The following OSBPL8 variants were observed in gnomAD, a reference collection of about 807,000 sequenced individuals.
The protein encoded by OSBPL8 is oxysterol binding protein like 8, also known as oxysterol-binding protein-related protein 8.
In OSBPL8, 59 loss-of-function variants were observed where a neutral mutation model predicts 125.5. The ratio of observed to expected loss-of-function variants is 0.47; its 90% CI spans 0.38 to 0.58. OSBPL8 has a LOEUF of 0.58. Among genes scored for constraint, OSBPL8 ranks in the 20% least tolerant of loss-of-function variants. OSBPL8 has a pLI of 0.00. For synonymous variants in OSBPL8, 330 were observed against 338.9 expected, an observed-to-expected ratio of 0.97 and a Z score of 0.29; for missense variants, 758 against 1,047.8, an observed-to-expected ratio of 0.72 and a Z score of 3.82.
At chr12:76,358,437 G>A (rs1952073064) in intron 22 of OSBPL8, among the ~76,000 whole-genome samples, 2 of 151,874 alleles carry the variant, frequency 1.3e-5, no homozygotes, top group African/African-American at 2.4e-5. Context: ...CCACCTCGGC[G>A]TCCCAAAGTA....
At chr12:76,501,739 G>A (rs1879922336) in intron 1 of OSBPL8, among the ~76,000 whole-genome samples, 2 of 151,940 alleles carry the variant, frequency 1.3e-5, no homozygotes, top group Admixed American at 1.3e-4. Context: ...CTGACCAGCG[G>A]TAGAGATCAA....
chr12:76,418,892 G>A (rs1869094912), intron 4 of OSBPL8, among the ~76,000 whole-genome samples: 2 of 151,576 alleles, frequency 1.3e-5, no homozygotes, highest in South Asian at 4.2e-4. Flanking sequence ...ATTGACAGAT[G>A]GCAATCCTTT....
chr12:76,496,743 T>G (rs536952296), intron 1 of OSBPL8, among the ~76,000 whole-genome samples: 27 of 152,214 alleles, frequency 1.8e-4, no homozygotes, highest in Admixed American at 3.9e-4. Flanking sequence ...GGTTTCACCA[T>G]GTTGGCCAGG....
At chr12:76,356,874 A>G in intron 22 of OSBPL8, 146 bp from the exon 23 acceptor site, 1 of 546,698 alleles carries the variant, frequency 1.8e-6, no homozygotes, top group South Asian at 2.6e-5. Context: ...GCACTTTTGA[A>G]GTTTCAAACA....
At chr12:76,395,091 G>A (rs1285366294) in intron 8 of OSBPL8, among the ~76,000 whole-genome samples, 1 of 152,078 alleles carries the variant, frequency 6.6e-6, no homozygotes, top group Non-Finnish European at 1.5e-5. Context: ...GAAGGCTAAA[G>A]AAAGCATGTG....
intron 1 of OSBPL8, among the ~76,000 whole-genome samples, chr12:76,518,411 G>C (rs1055818234): frequency 3.9e-5 from 6 of 152,192 alleles, no homozygotes; most frequent in Admixed American, 3.9e-4. Flanking sequence ...TCACAGGTTG[G>C]ACTTGAGTGC....
chr12:76,368,342 C>G (rs779054680), intron 21 of OSBPL8, among the ~76,000 whole-genome samples: 2 of 152,160 alleles, frequency 1.3e-5, no homozygotes, highest in Non-Finnish European at 2.9e-5. Context: ...TTAAGACTCT[C>G]TTTGGCTTTT....
At chr12:76,424,872 T>G (rs1424270566) in intron 4 of OSBPL8, among the ~76,000 whole-genome samples, 1 of 152,108 alleles carries the variant, frequency 6.6e-6, no homozygotes, top group Non-Finnish European at 1.5e-5. Flanking sequence ...ATCCCAAAAG[T>G]ACATATCCAG....
chr12:76,420,408 C>A (rs921607985), intron 4 of OSBPL8, among the ~76,000 whole-genome samples: 1 of 152,078 alleles, frequency 6.6e-6, no homozygotes, highest in Admixed American at 6.5e-5. Flanking sequence ...CAGCTGAGAT[C>A]AAGAGATAGA....
At chr12:76,385,820 T>C (rs912214319) in intron 14 of OSBPL8, among the ~76,000 whole-genome samples, 1 of 151,696 alleles carries the variant, frequency 6.6e-6, no homozygotes, top group East Asian at 1.9e-4. Context: ...GGACTTTGAA[T>C]GCCAGACAAA....
chr12:76,462,701 T>C lies in OSBPL8; in HGVS notation c.43-2806A>G, dbSNP rs542887266. Among the ~76,000 whole-genome samples the C allele has an allele frequency of 2.0e-5, 3 of 151,952 alleles. No homozygotes were observed. In the South Asian group the frequency reaches 6.2e-4, roughly 32 times the overall value. ...AAGTAACAAATGGGAACACAAAAAA[T>C]ATTAGGGAAAGGGAGTTAAAATTTT... On this transcript the variant is annotated intron_variant, in intron 2 of 23. Transcript: ENST00000261183.
In OSBPL8 at chr12:76,387,447, CAA is replaced by C. The variant is rs537457663; in HGVS notation, c.1353-789_1353-788del. ...AAACTCAACCAGAATAATGGATAAT[CAA>C]AGAGTAATTTTTATTTTAAAGAAGA... On this transcript the variant is annotated intron_variant, in intron 12 of 23. Transcript: ENST00000261183. Among the ~76,000 whole-genome samples the C allele has an allele frequency of 2.0e-3, 299 of 152,154 alleles. 1 individual carries two copies. The highest frequency in any genetic ancestry group is 6.8e-3 in the African/African-American group (284 of 41,514).
At chr12:76,426,599 T>C (rs1870177761) in intron 4 of OSBPL8, among the ~76,000 whole-genome samples, 1 of 152,164 alleles carries the variant, frequency 6.6e-6, no homozygotes, top group African/African-American at 2.4e-5. Flanking sequence ...TCTAAAGTAC[T>C]AGCAATGATT....
At chr12:76,373,304 A>G in intron 18 of OSBPL8, 40 bp downstream of exon 18, 2 of 1,308,884 alleles carry the variant, frequency 1.5e-6, no homozygotes, top group Non-Finnish European at 2.1e-6. Flanking sequence ...TTCCCACAGA[A>G]TAAAATTCTT....
chr12:76,436,866 T>C (rs1327877388), intron 4 of OSBPL8, among the ~76,000 whole-genome samples: 4 of 152,236 alleles, frequency 2.6e-5, no homozygotes, highest in Non-Finnish European at 5.9e-5. Context: ...TTCTGTTTAC[T>C]CATTCCATTG....
intron 21 of OSBPL8, among the ~76,000 whole-genome samples, chr12:76,368,981 A>G (rs2136186804): frequency 6.6e-6 from 1 of 152,208 alleles, no homozygotes; most frequent in East Asian, 1.9e-4. Context: ...CACTTTCTTG[A>G]CCAGTGTTCA....
chr12:76,372,666 G>A (rs1330373045), intron 18 of OSBPL8, among the ~76,000 whole-genome samples: 1 of 152,138 alleles, frequency 6.6e-6, no homozygotes, highest in Non-Finnish European at 1.5e-5. Flanking sequence ...CATATACTCA[G>A]TGCTCATAGT....
intron 1 of OSBPL8, among the ~76,000 whole-genome samples, chr12:76,507,939 G>C (rs1205143319): frequency 1.3e-5 from 2 of 149,708 alleles, no homozygotes; most frequent in East Asian, 3.9e-4. Context: ...GGGAGGCTGA[G>C]GCAGGCAGAT....
chr12:76,458,353 T>C (rs1029997830), intron 3 of OSBPL8, among the ~76,000 whole-genome samples: 4 of 152,000 alleles, frequency 2.6e-5, no homozygotes, highest in African/African-American at 7.2e-5. Context: ...GATGATTGTA[T>C]AATAAATAAT....
Sources: gnomAD v4.1 joint callset for allele counts (sites outside exome capture counted in the v4.1 genomes callset) on GRCh38, gnomAD v4.1.1 for gene constraint, MANE v1.5 for transcripts, NCBI Gene and HGNC (gene_info 2026-07-23, HGNC 2026-07-21) for gene names.